Variants in MOXD1 observed in about 807,000 individuals in gnomAD.
MOXD1 encodes the protein monooxygenase DBH like 1.
In MOXD1, 62 loss-of-function variants were observed where a neutral mutation model predicts 66.6. The ratio of observed to expected loss-of-function variants is 0.93; its 90% CI spans 0.76 to 1.15. The LOEUF (loss-of-function observed/expected upper bound fraction) is 1.15, where lower values mean the gene tolerates loss of function less well. MOXD1 is among the 50% of genes most tolerant of loss of function. MOXD1 has a pLI of 0.00. For missense variants in MOXD1, 847 were observed against 754.6 expected, an observed-to-expected ratio of 1.12 and a Z score of -1.44; for synonymous variants, 303 against 281.9, an observed-to-expected ratio of 1.07 and a Z score of -0.75.
chr6:132,361,714 C>A (rs1000428138), intron 4 of MOXD1, among the ~76,000 whole-genome samples: 10 of 151,980 alleles, frequency 6.6e-5, no homozygotes, highest in Non-Finnish European at 1.2e-4. Flanking sequence ...CTAACATGCA[C>A]CCTAGGTTAT....
chr6:132,338,133 A>T (rs764492400), intron 4 of MOXD1, among the ~76,000 whole-genome samples: 6 of 152,164 alleles, frequency 3.9e-5, no homozygotes, highest in Non-Finnish European at 8.8e-5. Flanking sequence ...CATTTTACAG[A>T]TACAGAAGAT....
chr6:132,336,669 G>T lies in MOXD1; in HGVS notation c.664-8075C>A, dbSNP rs781000259. Among the ~76,000 whole-genome samples, 3 of 152,142 alleles carry T rather than the reference G, an allele frequency of 2.0e-5. No homozygotes were observed. The East Asian group carries it at 5.8e-4, about 29-fold the overall frequency. On this transcript the variant is annotated intron_variant, in intron 4 of 11. Transcript: ENST00000367963. ...GGTGTCAAGGGGCCACAGTCAAGGG[G>T]CCACAGCATGAATGGACCTGTCAGC...
At chr6:132,343,501 G>C (rs185934196) in intron 4 of MOXD1, among the ~76,000 whole-genome samples, 79 of 152,194 alleles carry the variant, frequency 5.2e-4, no homozygotes, top group African/African-American at 1.8e-3. Flanking sequence ...CTTGAACCCA[G>C]AAGGCAGAGG....
chr6:132,302,305 T>C (rs554710928), intron 10 of MOXD1, among the ~76,000 whole-genome samples: 1 of 152,268 alleles, frequency 6.6e-6, no homozygotes, highest in South Asian at 2.1e-4. Context: ...AACAACCTAG[T>C]ACTAATTAAC....
intron 9 of MOXD1, among the ~76,000 whole-genome samples, chr6:132,317,010 G>T (rs979878129): frequency 6.6e-6 from 1 of 151,794 alleles, no homozygotes; most frequent in Non-Finnish European, 1.5e-5. Flanking sequence ...GAAAACCAAA[G>T]ATAAGAAAAA....
At chr6:132,392,439 G>C in intron 1 of MOXD1, 1 of 1,280,276 alleles carries the variant, frequency 7.8e-7, no homozygotes, top group South Asian at 1.5e-5. Flanking sequence ...CACAAACTCA[G>C]CATTCATCGG....
intron 1 of MOXD1, among the ~76,000 whole-genome samples, chr6:132,386,695 A>AC (rs927305754): frequency 1.7e-4 from 25 of 151,466 alleles, no homozygotes; most frequent in Admixed American, 4.0e-4. Flanking sequence ...CCCAGCTCCC[A>AC]CCAAAGGAGA....
At chr6:132,373,037 C>G (rs1301591291) in intron 2 of MOXD1, 40 bp from the exon 3 acceptor site, 1 of 1,549,320 alleles carries the variant, frequency 6.5e-7, no homozygotes, top group East Asian at 2.3e-5. Flanking sequence ...CTCATGAGAG[C>G]ACTTTCCTTA....
intron 2 of MOXD1, among the ~76,000 whole-genome samples, chr6:132,373,516 T>C (rs1042857650): frequency 1.8e-4 from 27 of 152,236 alleles, no homozygotes; most frequent in African/African-American, 4.6e-4. Flanking sequence ...AAAATATAAA[T>C]ATAGAAGGAT....
intron 10 of MOXD1, among the ~76,000 whole-genome samples, chr6:132,314,779 C>T (rs1774905378): frequency 6.6e-6 from 1 of 152,166 alleles, no homozygotes; most frequent in Non-Finnish European, 1.5e-5. Context: ...GTCTTCATAA[C>T]ATCTATTACT....
At chr6:132,376,503 T>TATATGCACCAGGCCCTG (rs1776382354) in intron 1 of MOXD1, among the ~76,000 whole-genome samples, 1 of 70,144 alleles carries the variant, frequency 1.4e-5, no homozygotes, top group South Asian at 5.1e-4. Context: ...TACAGCTTCT[T>TATATGCACCAGGCCCTG]TTTTTTTTTT....
At chr6:132,387,751 TAAAAAAAAA>T (rs56728324) in intron 1 of MOXD1, among the ~76,000 whole-genome samples, 2 of 69,516 alleles carry the variant, frequency 2.9e-5, no homozygotes, top group South Asian at 5.6e-4. Flanking sequence ...AAACTCCATC[TAAAAAAAAA>T]AAAAAAAAAA....
chr6:132,331,005 T>C (rs1775305505), intron 4 of MOXD1, among the ~76,000 whole-genome samples: 3 of 152,236 alleles, frequency 2.0e-5, no homozygotes, highest in African/African-American at 7.2e-5. Context: ...TTGTTTTGTC[T>C]CTAAAAGGTC....
In MOXD1 at chr6:132,328,526, G is replaced by A; in HGVS notation, c.732C>T (p.Asn244=). Residue 244 remains asparagine (N), a synonymous_variant, in exon 5 of 12, where the codon AAC becomes AAT. Transcript: ENST00000367963. ...ACTCCAGAACGCTGTCGTTAAAGTTGTTGCTGCACTGATAGAGCAGGATGT... is the reference window on the plus strand; with the variant it reads ...ACTCCAGAACGCTGTCGTTAAAGTTATTGCTGCACTGATAGAGCAGGATGT... ...VHHILLYQCS[N]NFNDSVLESG... is the part of the protein sequence containing the mutation. 1 of 1,614,116 alleles carries A rather than the reference G, an allele frequency of 6.2e-7. No homozygotes were observed. The highest frequency in any genetic ancestry group is 8.5e-7 in the Non-Finnish European group (1 of 1,180,004).
At chr6:132,362,790 A>G (rs963409802) in intron 4 of MOXD1, among the ~76,000 whole-genome samples, 1 of 152,176 alleles carries the variant, frequency 6.6e-6, no homozygotes, top group African/African-American at 2.4e-5. Context: ...TAGCAGTCTC[A>G]CTAACTTCTT....
intron 10 of MOXD1, among the ~76,000 whole-genome samples, chr6:132,310,697 G>A (rs547096210): frequency 4.6e-5 from 7 of 152,174 alleles, no homozygotes; most frequent in Admixed American, 3.3e-4. Context: ...TCCTTTGAAG[G>A]GACATGGATG....
At chr6:132,330,555 C>G (rs953560162) in intron 4 of MOXD1, among the ~76,000 whole-genome samples, 1 of 152,148 alleles carries the variant, frequency 6.6e-6, no homozygotes, top group African/African-American at 2.4e-5. Flanking sequence ...GTTCTTTTTT[C>G]TTTCCCCTCA....
chr6:132,358,623 A>G (rs1775953476), intron 4 of MOXD1, among the ~76,000 whole-genome samples: 1 of 152,232 alleles, frequency 6.6e-6, no homozygotes, highest in Admixed American at 6.5e-5. Flanking sequence ...CCAAAATCAT[A>G]AAAGTTAAGG....
chr6:132,359,189 G>T (rs1775964530), intron 4 of MOXD1, among the ~76,000 whole-genome samples: 1 of 151,110 alleles, frequency 6.6e-6, no homozygotes, highest in African/African-American at 2.4e-5. Flanking sequence ...GTGAGAAAAC[G>T]GCTCACTGCA....
Sources: gnomAD v4.1 joint callset for allele counts (sites outside exome capture counted in the v4.1 genomes callset) on GRCh38, gnomAD v4.1.1 for gene constraint, MANE v1.5 for transcripts, NCBI Gene and HGNC (gene_info 2026-07-23, HGNC 2026-07-21) for gene names.